Variants in GGT7 observed in about 807,000 individuals in gnomAD.
GGT7 encodes the protein gamma-glutamyltransferase 7.
Under a neutral mutation model 69.2 loss-of-function variants are expected in GGT7, and 30 were observed. The observed-to-expected ratio is 0.43, with a 90% confidence interval of 0.32 to 0.59. GGT7 has a LOEUF of 0.59. Ranked by LOEUF, GGT7 falls within the 20% of genes least tolerant of loss-of-function variation. GGT7 has a pLI of 0.05. For missense variants in GGT7, 733 were observed against 901.1 expected (o/e 0.81, Z 2.39); for synonymous variants, 388 against 391.8 (o/e 0.99, Z 0.12).
At position 34,859,171 on chromosome 20, in the gene GGT7, TAA is replaced by T. The variant is rs11357916; in HGVS notation, c.1014+270_1014+271del. Among the ~76,000 whole-genome samples the T allele has an allele frequency of 4.9e-3, 703 of 143,836 alleles. 4 individuals carry two copies. Among genetic ancestry groups the T allele is most frequent in the Non-Finnish European group, 4.2e-3 (275 of 65,640 alleles). The allele number at this position is 143,836 out of a possible 152,430, so 94.4% of individuals were successfully genotyped here. A position where few individuals can be genotyped will look rare whatever the true frequency, so the allele number is the denominator to read the frequency against. ...GGTGACACAGCAGGACTCCGTCTCA[TAA>T]AAAAAAAAAAAAGACAACACTTCCA... is the stretch of plus-strand genomic sequence containing the variant. On this transcript the variant is annotated intron_variant, in intron 7 of 14. Transcript: ENST00000336431.
chr20:34,852,258 G>A lies in GGT7; in HGVS notation c.1484C>T (p.Pro495Leu), dbSNP rs1468273319. ...GGGGGTGATAAGGCCGCTGCCAAAG[G>A]GCTGGTTCAGGGAGCTGGGGGCCGA... Reference protein sequence around the residue: ...IVAMVSSLNQPFGSGLITPSG... With the variant: ...IVAMVSSLNQLFGSGLITPSG... The change falls in exon 12 of 15, where the codon CCC becomes CTC. Residue 495 changes from proline to leucine, a missense_variant. Coordinates refer to ENST00000336431, the MANE Select transcript of GGT7 (RefSeq NM_178026.3). 1 of 1,613,238 alleles carries A rather than the reference G, an allele frequency of 6.2e-7. No individual in the cohort carries two copies. Among genetic ancestry groups the A allele is most frequent in the African/African-American group, 1.3e-5 (1 of 74,922 alleles).
At chr20:34,865,791 C>A (rs550146405) in intron 1 of GGT7, among the ~76,000 whole-genome samples, 3 of 152,170 alleles carry the variant, frequency 2.0e-5, no homozygotes, top group African/African-American at 7.2e-5. Context: ...CCCATAGCTC[C>A]CTCCTCTGAG....
Position 34,862,886 on chromosome 20 carries a change from G to T in GGT7, c.485C>A (p.Ser162Tyr), listed in dbSNP as rs1225461705. The T allele has an allele frequency of 6.2e-7, 1 of 1,614,128 alleles. No homozygotes were observed. Among genetic ancestry groups the T allele is most frequent in the Non-Finnish European group, 8.5e-7 (1 of 1,179,978 alleles). The change falls in exon 3 of 15, where the codon TCT becomes TAT. Residue 162 changes from serine (S) to tyrosine (Y), a missense_variant. Transcript: ENST00000336431. ...TGCTGCCACCGCTGCGTCCACAGAA[G>T]ATCCCTGTTTACTGAGCACCTCGAT... Reference protein sequence around the residue: ...LGIEVLSKQGSSVDAAVAAAL... With the variant: ...LGIEVLSKQGYSVDAAVAAAL...
chr20:34,846,477 ATT>A (rs112911298), intron 14 of GGT7, among the ~76,000 whole-genome samples: 2 of 143,786 alleles, frequency 1.4e-5, no homozygotes, highest in Non-Finnish European at 1.5e-5. Flanking sequence ...CTAATTTTCT[ATT>A]TTTTTTTTTT....
rs1378285248 is a variant in GGT7, at chr20:34,851,449, C to G, written c.1588-81G>C. 5 of 1,372,584 alleles carry G rather than the reference C, an allele frequency of 3.6e-6. No individual in the cohort carries two copies. In the South Asian group the frequency reaches 5.4e-5, roughly 15 times the overall value. The allele number at this position is 1,372,584 out of a possible 1,614,324, so 85.0% of individuals were successfully genotyped here. A position where few individuals can be genotyped will look rare whatever the true frequency, so the allele number is the denominator to read the frequency against. On this transcript the variant is annotated intron_variant, in intron 12 of 14. Coordinates refer to ENST00000336431, the MANE Select transcript of GGT7 (RefSeq NM_178026.3). Reference sequence around the variant, plus strand: ...AAGGGCCCCTCCACAACCCTTCCAACTGCTCTCCCTCTTCTACATCTTCCA... The same window carrying G: ...AAGGGCCCCTCCACAACCCTTCCAAGTGCTCTCCCTCTTCTACATCTTCCA...
At chr20:34,852,340 T>G in intron 11 of GGT7, 49 bp downstream of exon 11, 9 of 1,320,062 alleles carry the variant, frequency 6.8e-6, no homozygotes, top group South Asian at 1.2e-5. Flanking sequence ...CCACCCCCTC[T>G]TGGTTCAGAG....
At chr20:34,862,281 T>C (rs1429681960) in intron 3 of GGT7, among the ~76,000 whole-genome samples, 2 of 152,286 alleles carry the variant, frequency 1.3e-5, no homozygotes, top group African/African-American at 4.8e-5. Flanking sequence ...TCAAGAGATG[T>C]TGGAAATCTG....
At chr20:34,860,345 G>C (rs201952715) in intron 4 of GGT7, 24 bp from the exon 5 acceptor site, 1 of 1,590,822 alleles carries the variant, frequency 6.3e-7, no homozygotes, top group East Asian at 2.2e-5. Context: ...GTAGGCGAGG[G>C]AGAGAGGAGA....
chr20:34,859,948 AAATCCCCAGGCCC>A lies in GGT7; in HGVS notation c.817+8_817+20del. Reference sequence around the variant, plus strand: ...TCTCCATCAACCTCATGTCTCTCCCAAATCCCCAGGCCCCACTGACCTAGATCATGAGTCACGT... The same window carrying A: ...TCTCCATCAACCTCATGTCTCTCCCACACTGACCTAGATCATGAGTCACGT... On this transcript the variant is annotated splice_region_variant and intron_variant, in intron 6 of 14. Coordinates refer to ENST00000336431, the MANE Select transcript of GGT7 (RefSeq NM_178026.3). The A allele has an allele frequency of 6.7e-7, 1 of 1,502,176 alleles. No homozygotes were observed. The allele number at this position is 1,502,176 out of a possible 1,614,324, so 93.1% of individuals were successfully genotyped here.
chr20:34,859,666 AG>A, intron 6 of GGT7, 27 bp from the exon 7 acceptor site: 1 of 1,542,890 alleles, frequency 6.5e-7, no homozygotes, highest in Non-Finnish European at 8.8e-7. Flanking sequence ...GAGGCTGGGC[AG>A]GGCGGGACGC....
intron 1 of GGT7, among the ~76,000 whole-genome samples, chr20:34,864,658 T>C (rs1334897078): frequency 1.3e-5 from 2 of 150,460 alleles, no homozygotes; most frequent in African/African-American, 2.4e-5. Flanking sequence ...AAGGTGGAGG[T>C]TGCAGTGAGC....
chr20:34,864,843 A>T (rs2079663244), intron 1 of GGT7, among the ~76,000 whole-genome samples: 1 of 151,218 alleles, frequency 6.6e-6, no homozygotes, highest in African/African-American at 2.4e-5. Context: ...TGTTTTTGAG[A>T]TGGAGTTTCG....
rs1429248780 is a variant in GGT7 at position 34,860,320 on chromosome 20, G to A, written c.677C>T (p.Pro226Leu). 1.2e-6 allele frequency: 2 copies of A among 1,613,384 alleles called. No homozygotes were observed. The highest frequency in any genetic ancestry group is 1.1e-5 in the South Asian group (1 of 91,076). The change falls in exon 5 of 15, where the codon CCT (proline) becomes CTT (leucine). Residue 226 changes from proline (P) to leucine (L), a missense_variant and splice_region_variant. By Grantham distance (98) the Pro-to-Leu change is moderately conservative. Transcript: ENST00000336431. ...ETLQRSWETK[P>L]GLLVGVPGMV... is the part of the protein sequence containing the mutation. ...TCCGGGAACCCCCACCAAGAGCCCA[G>A]GCTGGGCAAGGCGGGTAGGCGAGGG...
At position 34,872,830 on chromosome 20, in the gene GGT7, C is replaced by G; in HGVS notation, c.-15G>C. ...TCCGCCGCCATCCTCGCCCGCGCCC[C>G]CCAGCAGCGCAGCGCCTGCCGGAAG... On this transcript the variant is annotated 5_prime_UTR_variant, in exon 1 of 15. Transcript: ENST00000336431. The G allele has an allele frequency of 3.0e-6, 4 of 1,333,394 alleles. No individual in the cohort carries two copies. In the South Asian group the frequency reaches 7.8e-5, roughly 26 times the overall value. 82.6% of individuals were successfully genotyped at this position (1,333,394 alleles called of 1,614,324 possible).
Position 34,850,005 on chromosome 20 carries a change from C to T in GGT7, c.1781G>A (p.Gly594Asp). 6.2e-7 allele frequency: 1 copy of T among 1,613,844 alleles called. No homozygotes were observed. The highest frequency in any genetic ancestry group is 8.5e-7 in the Non-Finnish European group (1 of 1,179,830). The part of the protein sequence containing the change: ...NRNLSDSLAR[G>D]RLHPDLQSNL... ...GGACTGCAGGTCCGGGTGTAGGCGG[C>T]CGCGGGCCAGGCTGTCACTCAGGTT... The change falls in exon 14 of 15, where the codon GGC becomes GAC. Residue 594 changes from glycine to aspartate, a missense_variant. By Grantham distance (94) the Gly-to-Asp change is moderately conservative. Coordinates refer to ENST00000336431, the MANE Select transcript of GGT7 (RefSeq NM_178026.3).
intron 13 of GGT7, chr20:34,850,307 A>G: frequency 1.5e-6 from 1 of 675,302 alleles, no homozygotes; most frequent in Non-Finnish European, 2.7e-6. Context: ...CAGGGAAGAT[A>G]CACCACTAGA....
intron 5 of GGT7, 22 bp downstream of exon 5, chr20:34,860,232 T>C (rs2079568092): frequency 6.4e-7 from 1 of 1,566,336 alleles, no homozygotes. Flanking sequence ...GGGTCCCTGG[T>C]CCCCAGGGGG....
chr20:34,854,118 G>T (rs1002216540), intron 10 of GGT7, among the ~76,000 whole-genome samples: 3 of 152,180 alleles, frequency 2.0e-5, no homozygotes, highest in Non-Finnish European at 4.4e-5. Flanking sequence ...TGTATTTTTA[G>T]TAGAGGCAGG....
chr20:34,855,814 T>TGTGTGAGAGA, intron 8 of GGT7, among the ~76,000 whole-genome samples: 3 of 144,626 alleles, frequency 2.1e-5, no homozygotes, highest in African/African-American at 7.9e-5. Context: ...TGTGTGTGTG[T>TGTGTGAGAGA]GATAATGGTC....
Sources: allele counts gnomAD v4.1 joint callset (sites outside exome capture counted in the v4.1 genomes callset), GRCh38; gene constraint gnomAD v4.1.1; transcripts MANE v1.5; gene names NCBI Gene and HGNC (gene_info 2026-07-23, HGNC 2026-07-21).